The following KCNQ5 variants were observed in gnomAD, a reference collection of about 807,000 sequenced individuals.
KCNQ5 encodes the protein potassium voltage-gated channel subfamily Q member 5.
In KCNQ5, 30 loss-of-function variants were observed where a neutral mutation model predicts 98.2. The observed-to-expected ratio is 0.31, with a 90% CI of 0.23 to 0.41. KCNQ5 has a LOEUF of 0.41. Among genes scored for constraint, KCNQ5 ranks in the 10% least tolerant of loss-of-function variants. The pLI, the probability that KCNQ5 is intolerant of heterozygous loss-of-function variation, is 1.00. For missense variants in KCNQ5, 835 were observed against 1,182.5 expected (o/e 0.71, Z 4.31); for synonymous variants, 458 against 449.4 (o/e 1.02, Z -0.24).
intron 2 of KCNQ5, among the ~76,000 whole-genome samples, chr6:73,032,637 G>T (rs1264765744): frequency 6.6e-6 from 1 of 152,154 alleles, no homozygotes; most frequent in Non-Finnish European, 1.5e-5. Context: ...AGTTGCACTG[G>T]TTAATTTGTG....
intron 1 of KCNQ5, among the ~76,000 whole-genome samples, chr6:72,949,672 G>A: frequency 6.6e-6 from 1 of 152,106 alleles, no homozygotes. Flanking sequence ...TTGCTCGAAA[G>A]TGCCAAAATT....
intron 1 of KCNQ5, among the ~76,000 whole-genome samples, chr6:72,672,410 T>C (rs1767170836): frequency 6.6e-6 from 1 of 152,128 alleles, no homozygotes; most frequent in African/African-American, 2.4e-5. Context: ...CACCAGAAAA[T>C]TTTATATGTA....
chr6:72,791,793 C>A (rs923392938), intron 1 of KCNQ5, among the ~76,000 whole-genome samples: 1 of 152,142 alleles, frequency 6.6e-6, no homozygotes, highest in Non-Finnish European at 1.5e-5. Flanking sequence ...GAAGGCATCA[C>A]GTACCAAGAG....
At chr6:73,120,083 C>CAAA (rs66484208) in intron 7 of KCNQ5, among the ~76,000 whole-genome samples, 17 of 138,028 alleles carry the variant, frequency 1.2e-4, no homozygotes, top group East Asian at 4.2e-4. Flanking sequence ...ACTAAAAGTA[C>CAAA]AAAAAAAAAA....
intron 1 of KCNQ5, among the ~76,000 whole-genome samples, chr6:72,844,222 C>T (rs1415275987): frequency 6.6e-6 from 1 of 152,108 alleles, no homozygotes; most frequent in Non-Finnish European, 1.5e-5. Context: ...AGGGAATGAG[C>T]TCATCAAATA....
At chr6:72,742,981 T>C (rs970887620) in intron 1 of KCNQ5, among the ~76,000 whole-genome samples, 1 of 152,208 alleles carries the variant, frequency 6.6e-6, no homozygotes, top group Non-Finnish European at 1.5e-5. Flanking sequence ...TTACAGATAA[T>C]AAAAACTGGA....
At chr6:73,088,614 T>C (rs1443736128) in intron 5 of KCNQ5, among the ~76,000 whole-genome samples, 1 of 152,154 alleles carries the variant, frequency 6.6e-6, no homozygotes, top group Non-Finnish European at 1.5e-5. Flanking sequence ...AACCCAAATC[T>C]CACGCCAAAC....
At chr6:72,736,656 C>T (rs1237241097) in intron 1 of KCNQ5, among the ~76,000 whole-genome samples, 1 of 149,232 alleles carries the variant, frequency 6.7e-6, no homozygotes, top group Non-Finnish European at 1.5e-5. Context: ...CCCGCCACCA[C>T]GCCCGGCTAA....
chr6:72,691,532 T>C (rs1334342882), intron 1 of KCNQ5, among the ~76,000 whole-genome samples: 1 of 152,224 alleles, frequency 6.6e-6, no homozygotes, highest in East Asian at 1.9e-4. Context: ...ATCTCCTTAG[T>C]ATAATGCCTA....
chr6:73,037,751 A>G, intron 2 of KCNQ5, among the ~76,000 whole-genome samples: 1 of 152,092 alleles, frequency 6.6e-6, no homozygotes, highest in Non-Finnish European at 1.5e-5. Flanking sequence ...CCCTCCACCA[A>G]TCCACAGTCT....
At chr6:73,118,775 A>ACT (rs1389795721) in intron 7 of KCNQ5, among the ~76,000 whole-genome samples, 34 of 152,284 alleles carry the variant, frequency 2.2e-4, no homozygotes, top group African/African-American at 7.9e-4. Context: ...TAATCCCAGC[A>ACT]CTTTGGGAGG....
At chr6:73,120,014 G>T (rs1236921519) in intron 7 of KCNQ5, among the ~76,000 whole-genome samples, 2 of 151,278 alleles carry the variant, frequency 1.3e-5, no homozygotes, top group African/African-American at 2.4e-5. Context: ...AAGGCAGGCG[G>T]ATCACTTGAG....
intron 1 of KCNQ5, among the ~76,000 whole-genome samples, chr6:72,955,590 T>C (rs1052824276): frequency 8.5e-5 from 13 of 152,210 alleles, no homozygotes; most frequent in Non-Finnish European, 1.8e-4. Context: ...TCTATATTTG[T>C]TGGGTTACTT....
intron 1 of KCNQ5, among the ~76,000 whole-genome samples, chr6:72,783,123 A>G (rs1773570364): frequency 6.6e-6 from 1 of 152,172 alleles, no homozygotes; most frequent in Non-Finnish European, 1.5e-5. Flanking sequence ...TGGGCACAAA[A>G]CAGTTATGAG....
intron 5 of KCNQ5, among the ~76,000 whole-genome samples, chr6:73,080,006 T>C (rs1265649298): frequency 6.6e-6 from 1 of 152,238 alleles, no homozygotes; most frequent in Admixed American, 6.5e-5. Context: ...ATGCAGTTGT[T>C]GGTGAGTTTA....
chr6:73,068,477 A>G (rs1773163673), intron 3 of KCNQ5, among the ~76,000 whole-genome samples: 1 of 152,216 alleles, frequency 6.6e-6, no homozygotes, highest in Admixed American at 6.6e-5. Flanking sequence ...GTAATAATAA[A>G]TTAGCTCAAA....
intron 11 of KCNQ5, among the ~76,000 whole-genome samples, chr6:73,183,192 C>T (rs56941368): frequency 0.048 from 7,313 of 152,148 alleles, 199 homozygotes; most frequent in East Asian, 0.1. Context: ...TACAAGGTTG[C>T]CTGCCTGGGA....
intron 10 of KCNQ5, chr6:73,158,050 G>C (rs536924573): frequency 3.1e-6 from 2 of 642,074 alleles, no homozygotes; most frequent in South Asian, 3.1e-5. Flanking sequence ...ATAGTGTCCG[G>C]ACCTCCTCTT....
In KCNQ5 at chr6:72,637,981, C is replaced by T. The variant is rs575704387; in HGVS notation, c.398+15394C>T. Among the ~76,000 whole-genome samples the T allele has an allele frequency of 1.2e-4, 18 of 152,304 alleles. No homozygotes were observed. In the East Asian group the frequency reaches 3.5e-3, roughly 29 times the overall value. On this transcript the variant is annotated intron_variant, in intron 1 of 13. Coordinates refer to ENST00000370398, the MANE Select transcript of KCNQ5 (RefSeq NM_019842.4). ...AGCTTCAGATCCATCAAGGAATAAA[C>T]AAAATGAGATGGGTTAGGATCTTCC...
Sources: gnomAD v4.1 joint callset for allele counts (sites outside exome capture counted in the v4.1 genomes callset) on GRCh38, gnomAD v4.1.1 for gene constraint, MANE v1.5 for transcripts, NCBI Gene and HGNC (gene_info 2026-07-23, HGNC 2026-07-21) for gene names.